TTC27: variants seen among roughly 807,000 people sequenced by gnomAD.
The protein encoded by TTC27 is tetratricopeptide repeat domain 27.
In TTC27, 79 loss-of-function variants were observed where a neutral mutation model predicts 115.9. The observed-to-expected ratio is 0.68, with a 90% CI of 0.57 to 0.82. TTC27 has a LOEUF of 0.82. TTC27 is among the 40% of genes least tolerant of loss of function. The pLI, the probability that TTC27 is intolerant of heterozygous loss-of-function variation, is 0.00. For synonymous variants in TTC27, 401 were observed against 356.0 expected, an observed-to-expected ratio of 1.13 and a Z score of -1.42; for missense variants, 1,054 against 993.1, an observed-to-expected ratio of 1.06 and a Z score of -0.82.
At chr2:32,689,681 A>G (rs933313707) in intron 9 of TTC27, among the ~76,000 whole-genome samples, 7 of 152,166 alleles carry the variant, frequency 4.6e-5, no homozygotes, top group Non-Finnish European at 7.4e-5. Context: ...TTTAACACAG[A>G]TTATTGATAT....
At chr2:32,712,032 A>G in intron 10 of TTC27, among the ~76,000 whole-genome samples, 1 of 152,158 alleles carries the variant, frequency 6.6e-6, no homozygotes. Flanking sequence ...GAGGAAATGC[A>G]GGTGTGATGA....
chr2:32,745,123 T>C (rs1339687289), intron 12 of TTC27, among the ~76,000 whole-genome samples: 1 of 147,654 alleles, frequency 6.8e-6, no homozygotes, highest in Admixed American at 6.7e-5. Flanking sequence ...TGGAAGTCTA[T>C]AGACTAGATT....
At chr2:32,773,428 T>C (rs1400376669) in intron 13 of TTC27, among the ~76,000 whole-genome samples, 1 of 152,224 alleles carries the variant, frequency 6.6e-6, no homozygotes, top group Non-Finnish European at 1.5e-5. Context: ...GAATTATCTT[T>C]TGGGTTTTCC....
chr2:32,669,654 G>T (rs951040280), intron 7 of TTC27, among the ~76,000 whole-genome samples: 1 of 152,118 alleles, frequency 6.6e-6, no homozygotes, highest in Non-Finnish European at 1.5e-5. Context: ...GGAGGCCGAG[G>T]TGGGAGGATC....
At chr2:32,766,557 T>C in intron 13 of TTC27, 1 of 386,624 alleles carries the variant, frequency 2.6e-6, no homozygotes, top group Non-Finnish European at 5.3e-6. Context: ...TCAGTTAAGT[T>C]CACTGTCCTA....
chr2:32,758,074 A>G (rs1239978348), intron 12 of TTC27, among the ~76,000 whole-genome samples: 2 of 152,212 alleles, frequency 1.3e-5, no homozygotes, highest in African/African-American at 4.8e-5. Context: ...ACTTTATTGC[A>G]GTGGTCTGGG....
At chr2:32,662,815 C>G (rs1365386454) in intron 5 of TTC27, among the ~76,000 whole-genome samples, 1 of 152,084 alleles carries the variant, frequency 6.6e-6, no homozygotes, top group African/African-American at 2.4e-5. Context: ...TTGCCTTCTG[C>G]TAGCCTTTGA....
intron 8 of TTC27, among the ~76,000 whole-genome samples, chr2:32,676,437 A>G (rs981345544): frequency 3.3e-5 from 5 of 150,662 alleles, no homozygotes; most frequent in African/African-American, 1.2e-4. Flanking sequence ...CTTAAACAGT[A>G]TTGAAAATTA....
At chr2:32,798,713 A>AAATAATAATAATAAT (rs200425222) in intron 16 of TTC27, among the ~76,000 whole-genome samples, 1 of 142,348 alleles carries the variant, frequency 7.0e-6, no homozygotes, top group East Asian at 2.0e-4. Context: ...TCAAAAAAAA[A>AAATAATAATAATAAT]AATAATAATA....
intron 9 of TTC27, among the ~76,000 whole-genome samples, chr2:32,679,998 A>T (rs892146080): frequency 1.3e-5 from 2 of 152,122 alleles, no homozygotes; most frequent in African/African-American, 4.8e-5. Flanking sequence ...ACAAAACAAA[A>T]CAAAACACAA....
chr2:32,664,919 G>A (rs917117239), intron 6 of TTC27, among the ~76,000 whole-genome samples: 2 of 151,714 alleles, frequency 1.3e-5, no homozygotes, highest in East Asian at 1.9e-4. Context: ...TGCAACCTTG[G>A]CCTCCTGGGT....
chr2:32,815,276 G>A (rs79420042), intron 18 of TTC27, among the ~76,000 whole-genome samples: 2 of 110,216 alleles, frequency 1.8e-5, no homozygotes, highest in South Asian at 3.1e-4. Flanking sequence ...TTGCTCTGTC[G>A]CCCAGGCTGG....
At chr2:32,668,060 G>A (rs1176867249) in intron 7 of TTC27, among the ~76,000 whole-genome samples, 6 of 151,792 alleles carry the variant, frequency 4.0e-5, no homozygotes, top group Non-Finnish European at 7.4e-5. Flanking sequence ...GCGTGGTGGC[G>A]GGTGCCTGTA....
intron 9 of TTC27, among the ~76,000 whole-genome samples, chr2:32,682,022 G>GTA (rs1482583345): frequency 1.3e-3 from 171 of 127,988 alleles, no homozygotes; most frequent in African/African-American, 5.1e-3. Flanking sequence ...GTGTGTGTGT[G>GTA]TGTGTATGTC....
chr2:32,629,326 G>C (rs1044082064), intron 1 of TTC27, among the ~76,000 whole-genome samples: 1 of 151,396 alleles, frequency 6.6e-6, no homozygotes, highest in Non-Finnish European at 1.5e-5. Flanking sequence ...CATCATGTTG[G>C]TCAGGCTGGT....
intron 18 of TTC27, 126 bp downstream of exon 18, chr2:32,812,741 G>A: frequency 1.5e-6 from 1 of 684,486 alleles, no homozygotes; most frequent in Non-Finnish European, 2.5e-6. Flanking sequence ...TATTGACATT[G>A]TTGTATTTAA....
At chr2:32,697,021 T>C (rs1348735089) in intron 9 of TTC27, among the ~76,000 whole-genome samples, 1 of 152,036 alleles carries the variant, frequency 6.6e-6, no homozygotes, top group Non-Finnish European at 1.5e-5. Flanking sequence ...TGAAACCCTG[T>C]CTCTACAGAA....
intron 10 of TTC27, among the ~76,000 whole-genome samples, chr2:32,711,747 C>G (rs756779078): frequency 5.9e-5 from 9 of 152,034 alleles, no homozygotes; most frequent in African/African-American, 2.2e-4. Flanking sequence ...CAAGACTAGC[C>G]TGGCCAAAAT....
chr2:32,633,556 C>A (rs1057255326), intron 2 of TTC27, among the ~76,000 whole-genome samples: 10 of 151,878 alleles, frequency 6.6e-5, no homozygotes, highest in Non-Finnish European at 1.3e-4. Flanking sequence ...TGGGATGTAC[C>A]ACCATGCCGG....
Sources: allele counts gnomAD v4.1 joint callset (sites outside exome capture counted in the v4.1 genomes callset), GRCh38; gene constraint gnomAD v4.1.1; transcripts MANE v1.5; gene names NCBI Gene and HGNC (gene_info 2026-07-23, HGNC 2026-07-21).